Variants in MSRA observed in about 807,000 individuals in gnomAD.
MSRA encodes the protein mitochondrial peptide methionine sulfoxide reductase.
Under a neutral mutation model 31.3 loss-of-function variants are expected in MSRA, and 54 were observed. That is an observed-to-expected ratio of 1.73 (90% CI 1.39 to 2.17). MSRA has a LOEUF of 2.17. MSRA is among the 30% of genes most tolerant of loss of function. MSRA has a pLI of 0.00. For missense variants in MSRA, 507 were observed against 300.9 expected (o/e 1.69, Z -5.07); for synonymous variants, 169 against 116.5 (o/e 1.45, Z -2.90).
At chr8:10,426,661 G>A (rs547754296) in intron 5 of MSRA, among the ~76,000 whole-genome samples, 2 of 152,368 alleles carry the variant, frequency 1.3e-5, no homozygotes, top group East Asian at 3.9e-4. Flanking sequence ...TGTGCGGTAC[G>A]AGGGTGAGCT....
At chr8:10,427,551 G>T (rs1809256993) in intron 5 of MSRA, among the ~76,000 whole-genome samples, 1 of 152,166 alleles carries the variant, frequency 6.6e-6, no homozygotes, top group Non-Finnish European at 1.5e-5. Context: ...TGCTCACCAG[G>T]ACGTGCCAGC....
intron 2 of MSRA, among the ~76,000 whole-genome samples, chr8:10,208,337 C>T (rs544727215): frequency 8.5e-5 from 13 of 152,174 alleles, no homozygotes; most frequent in South Asian, 6.3e-4. Context: ...GAATTAAGCA[C>T]GCTCCTTAAG....
chr8:10,154,859 T>A (rs374694159), intron 1 of MSRA, among the ~76,000 whole-genome samples: 20 of 152,034 alleles, frequency 1.3e-4, no homozygotes, highest in African/African-American at 4.8e-4. Context: ...GATCTATTGT[T>A]TTAATGGAAA....
At chr8:10,103,226 T>C (rs1799652699) in intron 1 of MSRA, among the ~76,000 whole-genome samples, 2 of 152,208 alleles carry the variant, frequency 1.3e-5, no homozygotes, top group South Asian at 2.1e-4. Context: ...AAGAGGTCAG[T>C]ATATTAAAAA....
chr8:10,253,148 G>A (rs1187579514), intron 3 of MSRA, among the ~76,000 whole-genome samples: 4 of 152,166 alleles, frequency 2.6e-5, no homozygotes, highest in African/African-American at 9.7e-5. Context: ...TGCTGTCCTC[G>A]AATGGTAAAA....
At chr8:10,208,761 G>A (rs1322681280) in intron 2 of MSRA, among the ~76,000 whole-genome samples, 1 of 152,158 alleles carries the variant, frequency 6.6e-6, no homozygotes, top group Non-Finnish European at 1.5e-5. Context: ...GACAGGTTCT[G>A]TGATGTCTCT....
Position 10,141,712 on chromosome 8 carries a change from T to C in MSRA, c.143-66121T>C, listed in dbSNP as rs143120265. Among the ~76,000 whole-genome samples the C allele has an allele frequency of 7.4e-3, 1,128 of 151,818 alleles. 14 individuals carry two copies. The highest frequency in any genetic ancestry group is 0.025 in the African/African-American group (1,040 of 41,362). ...GTGAAGGAACTCACCTCTTGACAAATGCCTGCTTTTTTTTTTTTTGTTTTA... is the reference window on the plus strand; with the variant it reads ...GTGAAGGAACTCACCTCTTGACAAACGCCTGCTTTTTTTTTTTTTGTTTTA... On this transcript the variant is annotated intron_variant, in intron 1 of 5. Coordinates refer to ENST00000317173, the MANE Select transcript of MSRA (RefSeq NM_012331.5).
intron 1 of MSRA, among the ~76,000 whole-genome samples, chr8:10,163,961 C>G (rs1183507780): frequency 6.6e-6 from 1 of 152,234 alleles, no homozygotes; most frequent in East Asian, 1.9e-4. Context: ...TCTGAGTCCA[C>G]AAGGGACAGT....
intron 1 of MSRA, among the ~76,000 whole-genome samples, chr8:10,059,916 T>A (rs1802612065): frequency 6.6e-6 from 1 of 152,216 alleles, no homozygotes. Flanking sequence ...CAAATACCAT[T>A]TTTCATGTTT....
rs532578401 is a variant in MSRA at position 10,393,171 on chromosome 8, G to C, written c.544-34977G>C. Among the ~76,000 whole-genome samples the C allele has an allele frequency of 2.6e-4, 39 of 152,290 alleles. 1 individual carries two copies. The highest frequency in any genetic ancestry group is 1.2e-3 in the South Asian group (6 of 4,830). On this transcript the variant is annotated intron_variant, in intron 5 of 5. Transcript: ENST00000317173. ...TCCTTGAGCTTGGGGAGATTGTGGG[G>C]AGAACAGAAAGCAGCCGCCCGCCCC...
At chr8:10,283,836 T>TACACACACACACACACACACACACAC (rs372503609) in intron 3 of MSRA, among the ~76,000 whole-genome samples, 20 of 53,150 alleles carry the variant, frequency 3.8e-4, no homozygotes, top group Admixed American at 1.0e-3. Flanking sequence ...TATATATATA[T>TACACACACACACACACACACACACAC]ACACACACAC....
intron 5 of MSRA, among the ~76,000 whole-genome samples, chr8:10,417,739 T>C (rs1298168479): frequency 6.8e-6 from 1 of 147,110 alleles, no homozygotes; most frequent in Non-Finnish European, 1.5e-5. Context: ...TGTCTGGGCT[T>C]ATTAAACCTG....
chr8:10,109,199 G>C (rs561509484), intron 1 of MSRA, among the ~76,000 whole-genome samples: 1 of 152,246 alleles, frequency 6.6e-6, no homozygotes, highest in South Asian at 2.1e-4. Context: ...CTTTGGCTCA[G>C]GAACCATATT....
chr8:10,310,574 TGAGC>T (rs1801380187), intron 4 of MSRA, among the ~76,000 whole-genome samples: 1 of 152,262 alleles, frequency 6.6e-6, no homozygotes, highest in Admixed American at 6.5e-5. Flanking sequence ...AGGTCTTTCC[TGAGC>T]TGTGCGCAAT....
At chr8:10,190,000 G>C in intron 1 of MSRA, among the ~76,000 whole-genome samples, 1 of 152,042 alleles carries the variant, frequency 6.6e-6, no homozygotes, top group East Asian at 1.9e-4. Flanking sequence ...TTGGTGATTT[G>C]TATCTTTTGA....
intron 2 of MSRA, among the ~76,000 whole-genome samples, chr8:10,239,892 G>A (rs749693012): frequency 4.3e-5 from 5 of 116,302 alleles, no homozygotes; most frequent in African/African-American, 9.1e-5. Context: ...CCTGGAGTCC[G>A]GCACCCACCT....
intron 2 of MSRA, among the ~76,000 whole-genome samples, chr8:10,232,774 G>A (rs1407198806): frequency 1.3e-5 from 2 of 152,078 alleles, no homozygotes; most frequent in East Asian, 3.9e-4. Context: ...GGAATCTTAA[G>A]GTAATTCTAA....
At chr8:10,312,047 A>T (rs572865850) in intron 4 of MSRA, among the ~76,000 whole-genome samples, 15 of 152,250 alleles carry the variant, frequency 9.9e-5, no homozygotes, top group Non-Finnish European at 2.1e-4. Context: ...CAGTTCTCAG[A>T]GGGACATATA....
At chr8:10,424,974 G>A (rs1005139022) in intron 5 of MSRA, among the ~76,000 whole-genome samples, 1 of 152,226 alleles carries the variant, frequency 6.6e-6, no homozygotes, top group African/African-American at 2.4e-5. Flanking sequence ...GAACAGTGGC[G>A]GAGGGAGACC....
Sources: gnomAD v4.1 joint callset for allele counts (sites outside exome capture counted in the v4.1 genomes callset) on GRCh38, gnomAD v4.1.1 for gene constraint, MANE v1.5 for transcripts, NCBI Gene and HGNC (gene_info 2026-07-23, HGNC 2026-07-21) for gene names.